The following NDNF variants were observed in gnomAD, a reference collection of about 807,000 sequenced individuals.
NDNF encodes the protein protein NDNF.
Under a neutral mutation model 42.0 loss-of-function variants are expected in NDNF, and 16 were observed. That is an observed-to-expected ratio of 0.38 (90% CI 0.26 to 0.58). NDNF has a LOEUF of 0.58. Among genes scored for constraint, NDNF ranks in the 20% least tolerant of loss-of-function variants. The pLI, the probability that NDNF is intolerant of heterozygous loss-of-function variation, is 0.67. For synonymous variants in NDNF, 248 were observed against 251.7 expected, an observed-to-expected ratio of 0.99 and a Z score of 0.14; for missense variants, 616 against 666.2, an observed-to-expected ratio of 0.92 and a Z score of 0.83.
At chr4:121,062,466 A>G (rs532317026) in intron 1 of NDNF, among the ~76,000 whole-genome samples, 2 of 152,304 alleles carry the variant, frequency 1.3e-5, no homozygotes, top group South Asian at 4.1e-4. Context: ...CTGGATTAAG[A>G]GATGATTAAA....
At chr4:121,041,760 A>AGAAAAAGCATCCCC (rs1225861420) in intron 2 of NDNF, among the ~76,000 whole-genome samples, 2 of 152,214 alleles carry the variant, frequency 1.3e-5, no homozygotes, top group African/African-American at 4.8e-5. Context: ...TTGAGACTAA[A>AGAAAAAGCATCCCC]GAAAAAGCAT....
chr4:121,045,621 T>C (rs1450956219), intron 2 of NDNF, 29 bp downstream of exon 2: 27 of 1,590,910 alleles, frequency 1.7e-5, no homozygotes, highest in Non-Finnish European at 2.3e-5. Flanking sequence ...GTGAGCTTTT[T>C]AATAAAGAAA....
Position 121,036,159 on chromosome 4 carries a change from G to T in NDNF, c.*105C>A. ...TGATATCCTTCCTTCCATAGTACAA[G>T]TACAGGTCACAACTTCTCTCAACTG... On this transcript the variant is annotated 3_prime_UTR_variant, in exon 4 of 4. Coordinates refer to ENST00000379692, the MANE Select transcript of NDNF (RefSeq NM_024574.4). The T allele has an allele frequency of 2.3e-6, 2 of 887,270 alleles. No individual in the cohort carries two copies. The highest frequency in any genetic ancestry group is 3.5e-6 in the Non-Finnish European group (2 of 568,456). The allele number at this position is 887,270 out of a possible 1,614,324, so 55.0% of individuals were successfully genotyped here.
In NDNF at chr4:121,036,041, C is replaced by T. The variant is rs563735146; in HGVS notation, c.*223G>A. On this transcript the variant is annotated 3_prime_UTR_variant, in exon 4 of 4. Coordinates refer to ENST00000379692, the MANE Select transcript of NDNF (RefSeq NM_024574.4). ...TTCAAGAAGCCCTCTATCTTTGACA[C>T]CAACCGGCATCAGACACACACTAGG... 22 of 450,660 alleles carry T rather than the reference C, an allele frequency of 4.9e-5. No individual in the cohort carries two copies. The East Asian group carries it at 6.8e-4, about 14-fold the overall frequency. The allele number at this position is 450,660 out of a possible 1,614,324, so 27.9% of individuals were successfully genotyped here. A position where few individuals can be genotyped will look rare whatever the true frequency, so the allele number is the denominator to read the frequency against.
At chr4:121,039,146 T>TATATATATATAC (rs1726935094) in intron 3 of NDNF, among the ~76,000 whole-genome samples, 1 of 41,088 alleles carries the variant, frequency 2.4e-5, no homozygotes. Flanking sequence ...TATATATGTG[T>TATATATATATAC]ATATATATAT....
At chr4:121,059,432 T>C (rs1208135381) in intron 1 of NDNF, among the ~76,000 whole-genome samples, 5 of 152,226 alleles carry the variant, frequency 3.3e-5, no homozygotes, top group African/African-American at 1.2e-4. Flanking sequence ...GACAATTTTA[T>C]GGGTGCTAAA....
At chr4:121,062,543 C>T (rs2148771464) in intron 1 of NDNF, among the ~76,000 whole-genome samples, 1 of 152,254 alleles carries the variant, frequency 6.6e-6, no homozygotes, top group East Asian at 1.9e-4. Context: ...TAGTTTATAG[C>T]AAATTGTGAT....
At chr4:121,055,191 C>T (rs72684094) in intron 1 of NDNF, among the ~76,000 whole-genome samples, 40,271 of 151,926 alleles carry the variant, frequency 0.27, 5,491 homozygotes, top group South Asian at 0.4. Context: ...GTCTATTGTG[C>T]AGAAAATGGA....
In NDNF at chr4:121,041,070, T is replaced by C. The variant is rs573023326; in HGVS notation, c.189-1016A>G. ...AACACAGGTTTTCTGTTGAATTAAA[T>C]AACTTAATGATTTTAAAACAAAATT... On this transcript the variant is annotated intron_variant, in intron 2 of 3. Coordinates refer to ENST00000379692, the MANE Select transcript of NDNF (RefSeq NM_024574.4). 1.8e-4 allele frequency among the ~76,000 whole-genome samples: 27 copies of C among 152,212 alleles called. 1 individual carries two copies. The highest frequency in any genetic ancestry group is 1.8e-4 in the Non-Finnish European group (12 of 68,036).
At chr4:121,065,568 G>C (rs2148772668) in intron 1 of NDNF, among the ~76,000 whole-genome samples, 1 of 151,546 alleles carries the variant, frequency 6.6e-6, no homozygotes, top group East Asian at 2.0e-4. Flanking sequence ...TTCCTGGACA[G>C]CTTCTGATAG....
In NDNF at chr4:121,040,067, G is replaced by A. The variant is rs569332677; in HGVS notation, c.189-13C>T. ...CACAAAGAAATACCTGTGGGAAAGTGGACCACTTTAGACCGTGGTAATTCT... is the reference window on the plus strand; with the variant it reads ...CACAAAGAAATACCTGTGGGAAAGTAGACCACTTTAGACCGTGGTAATTCT... On this transcript the variant is annotated splice_polypyrimidine_tract_variant and intron_variant, in intron 2 of 3. Coordinates refer to ENST00000379692, the MANE Select transcript of NDNF (RefSeq NM_024574.4). 1.2e-6 allele frequency: 2 copies of A among 1,611,846 alleles called. No individual in the cohort carries two copies. The highest frequency in any genetic ancestry group is 1.3e-5 in the African/African-American group (1 of 74,902).
chr4:121,036,712 C>T lies in NDNF; in HGVS notation c.1259G>A (p.Arg420Gln), dbSNP rs201892645. Reference protein sequence around the residue: ...RGKPKAKYLVRLKGNKKGASM... With the variant: ...RGKPKAKYLVQLKGNKKGASM... ...TGCTCCTTTCTTGTTTCCTTTCAGT[C>T]GAACGAGGTATTTAGCTTTAGGTTT... The change falls in exon 4 of 4, where the codon CGA becomes CAA. Residue 420 changes from arginine (R) to glutamine (Q), a missense_variant. By Grantham distance (43) the Arg-to-Gln change is conservative. Transcript: ENST00000379692. The T allele has an allele frequency of 5.6e-6, 9 of 1,614,060 alleles. No homozygotes were observed. The highest frequency in any genetic ancestry group is 1.7e-5 in the Admixed American group (1 of 59,994).
rs770283562 is a variant in NDNF, at chr4:121,036,328, A to G, written c.1643T>C (p.Ile548Thr). The change falls in exon 4 of 4, where the codon ATA becomes ACA. Residue 548 changes from isoleucine to threonine, a missense_variant. Coordinates refer to ENST00000379692, the MANE Select transcript of NDNF (RefSeq NM_024574.4). ...GKSYLLDVYV[I>T]GHGGHSVKYQ... is the part of the protein sequence containing the mutation. ...CTTTACAGAGTGCCCCCCATGTCCT[A>G]TGACATAAACATCCAGCAGGTAAGA... 1.2e-6 allele frequency: 2 copies of G among 1,614,120 alleles called. No homozygotes were observed. Among genetic ancestry groups the G allele is most frequent in the African/African-American group, 1.3e-5 (1 of 75,052 alleles).
chr4:121,041,754 G>A (rs1217783018), intron 2 of NDNF, among the ~76,000 whole-genome samples: 2 of 152,134 alleles, frequency 1.3e-5, no homozygotes, highest in Non-Finnish European at 1.5e-5. Flanking sequence ...TAGTCTTTGA[G>A]ACTAAAGAAA....
intron 1 of NDNF, among the ~76,000 whole-genome samples, chr4:121,059,092 C>CA (rs1439604783): frequency 1.3e-5 from 2 of 152,206 alleles, no homozygotes; most frequent in Non-Finnish European, 1.5e-5. Flanking sequence ...AACGTCTACT[C>CA]ATTCTTTAAG....
intron 1 of NDNF, among the ~76,000 whole-genome samples, chr4:121,067,839 T>C (rs1216050725): frequency 6.6e-6 from 1 of 152,194 alleles, no homozygotes. Context: ...TGTTTGTTGG[T>C]TTGCAGTTTT....
At position 121,045,660 on chromosome 4, in the gene NDNF, T is replaced by C. The variant is rs750176882; in HGVS notation, c.178A>G (p.Thr60Ala). The C allele has an allele frequency of 1.5e-5, 24 of 1,613,752 alleles. No homozygotes were observed. In the African/African-American group the frequency reaches 3.1e-4, roughly 21 times the overall value. ...CTGCAGGGAGAATACCTCTTAGGTG[T>C]ATCTCTAAAGAGATAACTGCTAATT... ...AEISSYLFRD[T>A]PKRYFFVVEE... The change falls in exon 2 of 4, where the codon ACA (threonine) becomes GCA (alanine). Residue 60 changes from threonine to alanine, a missense_variant. Physicochemically the swap from Thr to Ala is moderately conservative, Grantham distance 58. Transcript: ENST00000379692.
chr4:121,055,081 G>A (rs544882137), intron 1 of NDNF, among the ~76,000 whole-genome samples: 69 of 152,080 alleles, frequency 4.5e-4, no homozygotes, highest in Middle Eastern at 3.4e-3. Flanking sequence ...TGATCCTTCC[G>A]TCTTGGCCTC....
intron 3 of NDNF, chr4:121,038,900 T>A (rs758913239): frequency 4.7e-5 from 7 of 150,170 alleles, no homozygotes; most frequent in Non-Finnish European, 8.8e-5. Flanking sequence ...GGCAGGAGAA[T>A]TGCTTAAGCC....
Sources: gnomAD v4.1 joint callset for allele counts (sites outside exome capture counted in the v4.1 genomes callset) on GRCh38, gnomAD v4.1.1 for gene constraint, MANE v1.5 for transcripts, NCBI Gene and HGNC (gene_info 2026-07-23, HGNC 2026-07-21) for gene names.